Variants in NCR3LG1 observed in about 807,000 individuals in gnomAD.
NCR3LG1 encodes natural cytotoxicity triggering receptor 3 ligand 1.
A neutral mutation model predicts 34.8 loss-of-function variants in NCR3LG1; 35 were observed. The observed-to-expected ratio is 1.01, with a 90% CI of 0.77 to 1.33. The LOEUF is 1.33. Among genes scored for constraint, NCR3LG1 ranks in the 40% most tolerant of loss-of-function variants. The pLI is 0.00. For missense variants in NCR3LG1, 452 were observed against 423.3 expected, an observed-to-expected ratio of 1.07 and a Z score of -0.60; for synonymous variants, 173 against 163.6, an observed-to-expected ratio of 1.06 and a Z score of -0.44.
intron 2 of NCR3LG1, among the ~76,000 whole-genome samples, chr11:17,359,426 A>G (rs1953245449): frequency 6.6e-6 from 1 of 151,590 alleles, no homozygotes; most frequent in Admixed American, 6.6e-5. Context: ...TCCTCTGTTT[A>G]TTGAATTAAT....
chr11:17,362,673 C>CTCCTTCCT (rs145031864), intron 2 of NCR3LG1, among the ~76,000 whole-genome samples: 5 of 63,820 alleles, frequency 7.8e-5, no homozygotes, highest in Admixed American at 1.7e-4. Context: ...GACTCAGTGT[C>CTCCTTCCT]TCCTTCCTTC....
At chr11:17,367,607 C>T (rs1265261756) in intron 3 of NCR3LG1, among the ~76,000 whole-genome samples, 4 of 152,126 alleles carry the variant, frequency 2.6e-5, no homozygotes, top group Non-Finnish European at 5.9e-5. Context: ...GGCTATTTGT[C>T]AGCTCATGGC....
chr11:17,364,978 G>C (rs1953328698), intron 2 of NCR3LG1, among the ~76,000 whole-genome samples: 1 of 152,056 alleles, frequency 6.6e-6, no homozygotes, highest in Non-Finnish European at 1.5e-5. Flanking sequence ...TTATCCATCT[G>C]TTTGTGCATG....
In NCR3LG1 at chr11:17,354,545, C is replaced by CTTTTT. The variant is rs71047545; in HGVS notation, c.71-2082_71-2078dup. Among the ~76,000 whole-genome samples the CTTTTT allele has an allele frequency of 1.0e-3, 71 of 70,308 alleles. 1 individual carries two copies. Among genetic ancestry groups the CTTTTT allele is most frequent in the Non-Finnish European group, 1.5e-3 (44 of 29,290 alleles). The allele number at this position is 70,308 out of a possible 152,430, so 46.1% of individuals were successfully genotyped here. A position where few individuals can be genotyped will look rare whatever the true frequency, so the allele number is the denominator to read the frequency against. ...TCCCTCCGACCCCCCAATTCTTCTT[C>CTTTTT]TTTTTTTTTTTTTTTTTTTTTTTTT... On this transcript the variant is annotated intron_variant, in intron 1 of 4. Coordinates refer to ENST00000338965, the MANE Select transcript of NCR3LG1 (RefSeq NM_001202439.3).
intron 2 of NCR3LG1, among the ~76,000 whole-genome samples, chr11:17,358,664 C>A (rs1335028406): frequency 6.6e-6 from 1 of 152,148 alleles, no homozygotes; most frequent in Admixed American, 6.6e-5. Context: ...TTATGTTCTT[C>A]CTCCTTGGAG....
intron 2 of NCR3LG1, among the ~76,000 whole-genome samples, chr11:17,360,363 T>G (rs1440450412): frequency 6.6e-6 from 1 of 152,222 alleles, no homozygotes; most frequent in Non-Finnish European, 1.5e-5. Flanking sequence ...CTTAACAATG[T>G]CTTTTGTAGA....
rs934649610 is a variant in NCR3LG1 at position 17,373,692 on chromosome 11, A to G, written c.*1180A>G. 1 of 152,252 alleles carries G rather than the reference A, an allele frequency of 6.6e-6. No individual in the cohort carries two copies. Among genetic ancestry groups the G allele is most frequent in the East Asian group, 1.9e-4 (1 of 5,202 alleles). 9.4% of individuals were successfully genotyped at this position (152,252 alleles called of 1,614,324 possible). A position where few individuals can be genotyped will look rare whatever the true frequency, so the allele number is the denominator to read the frequency against. On this transcript the variant is annotated 3_prime_UTR_variant, in exon 5 of 5. Coordinates refer to ENST00000338965, the MANE Select transcript of NCR3LG1 (RefSeq NM_001202439.3). ...GCACAACCATGATGGGCATCTCAGG[A>G]AAGACTTTAACTTGATATTTTTCTC...
chr11:17,356,901 GC>G lies in NCR3LG1; in HGVS notation c.322del (p.Arg108GlyfsTer22), dbSNP rs752032009. On this transcript the variant is annotated frameshift_variant, in exon 2 of 5. Coordinates refer to ENST00000338965, the MANE Select transcript of NCR3LG1 (RefSeq NM_001202439.3). LOFTEE classifies it high-confidence loss of function. Reference sequence around the variant, plus strand: ...GGCTGAAGAGTGGGGACGCCTCACTGCGGCTGCCTGGAATCCAGCTGGAGGA... The same window carrying G: ...GGCTGAAGAGTGGGGACGCCTCACTGGGCTGCCTGGAATCCAGCTGGAGGA... ...WRLKSGDASL[R>X]LPGIQLEEAG... is the part of the protein sequence containing the mutation. The G allele has an allele frequency of 3.6e-5, 56 of 1,536,020 alleles. No homozygotes were observed. The highest frequency in any genetic ancestry group is 4.6e-5 in the Non-Finnish European group (53 of 1,146,912).
At chr11:17,369,038 C>G (rs1953379268) in intron 4 of NCR3LG1, 74 bp downstream of exon 4, 3 of 894,470 alleles carry the variant, frequency 3.4e-6, no homozygotes, top group Non-Finnish European at 5.1e-6. Flanking sequence ...CTGCTGCCAA[C>G]CTTACAAGCC....
chr11:17,361,818 T>A (rs1349423678), intron 2 of NCR3LG1, among the ~76,000 whole-genome samples: 1 of 152,196 alleles, frequency 6.6e-6, no homozygotes, highest in East Asian at 1.9e-4. Context: ...TATTTTATTT[T>A]ATTTTTTACA....
chr11:17,364,786 T>C (rs563262268), intron 2 of NCR3LG1, among the ~76,000 whole-genome samples: 5 of 152,154 alleles, frequency 3.3e-5, no homozygotes, highest in Non-Finnish European at 7.4e-5. Context: ...CCTCAGGTGA[T>C]CCACCCACCT....
intron 2 of NCR3LG1, among the ~76,000 whole-genome samples, chr11:17,357,716 G>T (rs1032778550): frequency 2.4e-4 from 36 of 151,902 alleles, no homozygotes; most frequent in Non-Finnish European, 2.4e-4. Flanking sequence ...TATATAAAGG[G>T]TCTACATAGG....
intron 1 of NCR3LG1, 80 bp from the exon 2 acceptor site, chr11:17,356,571 C>G: frequency 1.9e-6 from 2 of 1,050,078 alleles, no homozygotes; most frequent in Non-Finnish European, 1.4e-6. Context: ...TTGGAGGACT[C>G]AAGCATTCAG....
chr11:17,359,657 G>T (rs1953249322), intron 2 of NCR3LG1, among the ~76,000 whole-genome samples: 1 of 151,804 alleles, frequency 6.6e-6, no homozygotes. Flanking sequence ...GATTACAGGT[G>T]CCCGCCACCA....
In NCR3LG1 at chr11:17,373,529, C is replaced by T. The variant is rs902867787; in HGVS notation, c.*1017C>T. On this transcript the variant is annotated 3_prime_UTR_variant, in exon 5 of 5. Transcript: ENST00000338965. ...GGTCCTGGGGCTCAACTCCCTGGCT[C>T]CAGTGGCTCAGACTGCTGTTACTAC... The T allele has an allele frequency of 2.0e-5, 3 of 152,344 alleles. No homozygotes were observed. The highest frequency in any genetic ancestry group is 1.5e-5 in the Non-Finnish European group (1 of 68,058). 9.4% of individuals were successfully genotyped at this position (152,344 alleles called of 1,614,324 possible).
chr11:17,351,977 G>C lies in NCR3LG1; in HGVS notation c.8G>C (p.Trp3Ser), dbSNP rs1406032422. The C allele has an allele frequency of 1.3e-6, 2 of 1,528,858 alleles. No individual in the cohort carries two copies. The highest frequency in any genetic ancestry group is 1.7e-6 in the Non-Finnish European group (2 of 1,143,578). The allele number at this position is 1,528,858 out of a possible 1,614,324, so 94.7% of individuals were successfully genotyped here. A position where few individuals can be genotyped will look rare whatever the true frequency, so the allele number is the denominator to read the frequency against. ...ACAACAGCAGCCGCGGCGATGACGTGGAGGGCTGCCGCCTCCACGTGCGCG... is the reference window on the plus strand; with the variant it reads ...ACAACAGCAGCCGCGGCGATGACGTCGAGGGCTGCCGCCTCCACGTGCGCG... MT[W>S]RAAASTCAAL... The change falls in exon 1 of 5, where the codon TGG becomes TCG. Residue 3 changes from tryptophan to serine, a missense_variant. Coordinates refer to ENST00000338965, the MANE Select transcript of NCR3LG1 (RefSeq NM_001202439.3).
Position 17,354,545 on chromosome 11 carries a change from CTTTTTTTTTTTTT to C in NCR3LG1, c.71-2090_71-2078del, listed in dbSNP as rs71047545. ...TCCCTCCGACCCCCCAATTCTTCTT[CTTTTTTTTTTTTT>C]TTTTTTTTTTTTTTTGGTAGTCACT... On this transcript the variant is annotated intron_variant, in intron 1 of 4. Transcript: ENST00000338965. Among the ~76,000 whole-genome samples, 15 of 70,334 alleles carry C rather than the reference CTTTTTTTTTTTTT, an allele frequency of 2.1e-4. No homozygotes were observed. The East Asian group carries it at 3.7e-3, about 17-fold the overall frequency. 46.1% of individuals were successfully genotyped at this position (70,334 alleles called of 152,430 possible). A position where few individuals can be genotyped will look rare whatever the true frequency, so the allele number is the denominator to read the frequency against.
chr11:17,378,982 A>G (rs111956058), downstream of NCR3LG1, among the ~76,000 whole-genome samples: 53 of 152,334 alleles, frequency 3.5e-4, 1 homozygote, highest in African/African-American at 1.3e-3. Flanking sequence ...CACTGGGAGG[A>G]TAGGGTAGAA....
At position 17,376,427 on chromosome 11, in the gene NCR3LG1, C is replaced by G. The variant is rs971542152; in HGVS notation, c.*3915C>G. The stretch of plus-strand genomic sequence containing the variant: ...TATTGGGTTTGGTAATACGTCACAC[C>G]CTTTAGCCTCTACTGTGTCAGCCAT... On this transcript the variant is annotated 3_prime_UTR_variant, in exon 5 of 5. Coordinates refer to ENST00000338965, the MANE Select transcript of NCR3LG1 (RefSeq NM_001202439.3). 2.6e-5 allele frequency: 4 copies of G among 152,174 alleles called. No individual in the cohort carries two copies. Among genetic ancestry groups the G allele is most frequent in the African/African-American group, 9.7e-5 (4 of 41,428 alleles). The allele number at this position is 152,174 out of a possible 1,614,324, so 9.4% of individuals were successfully genotyped here.
Sources: allele counts gnomAD v4.1 joint callset (sites outside exome capture counted in the v4.1 genomes callset), GRCh38; gene constraint gnomAD v4.1.1; transcripts MANE v1.5; gene names NCBI Gene and HGNC (gene_info 2026-07-23, HGNC 2026-07-21).